Variants in CDH18 observed in about 807,000 individuals in gnomAD.
CDH18 encodes cadherin-18.
In CDH18, 31 loss-of-function variants were observed where a neutral mutation model predicts 67.9. The ratio of observed to expected loss-of-function variants is 0.46; its 90% CI spans 0.34 to 0.62. The LOEUF (loss-of-function observed/expected upper bound fraction) is 0.62, where lower values mean the gene tolerates loss of function less well. Among genes scored for constraint, CDH18 ranks in the 20% least tolerant of loss-of-function variants. CDH18 has a pLI of 0.01. For missense variants in CDH18, 890 were observed against 975.5 expected (o/e 0.91, Z 1.17); for synonymous variants, 362 against 347.2 (o/e 1.04, Z -0.48).
intron 2 of CDH18, among the ~76,000 whole-genome samples, chr5:19,898,545 T>C (rs1336787584): frequency 6.6e-6 from 1 of 151,854 alleles, no homozygotes; most frequent in Non-Finnish European, 1.5e-5. Flanking sequence ...TTAGTTTTTT[T>C]TAAAAAAAGG....
chr5:19,561,792 A>C (rs1435786884), intron 8 of CDH18, among the ~76,000 whole-genome samples: 1 of 152,140 alleles, frequency 6.6e-6, no homozygotes, highest in African/African-American at 2.4e-5. Flanking sequence ...TTCAGCCTTC[A>C]AAGTCTAAAG....
chr5:20,423,115 G>A (rs1160542562), intron 1 of CDH18, among the ~76,000 whole-genome samples: 1 of 151,260 alleles, frequency 6.6e-6, no homozygotes, highest in Non-Finnish European at 1.5e-5. Flanking sequence ...CGGAGAGAAT[G>A]AATGGACGTC....
intron 1 of CDH18, among the ~76,000 whole-genome samples, chr5:19,982,760 C>T (rs1799180826): frequency 6.6e-6 from 1 of 151,856 alleles, no homozygotes; most frequent in African/African-American, 2.4e-5. Flanking sequence ...TATTATAATT[C>T]GAGGCCAGGC....
At chr5:20,573,856 TAAAAG>T (rs1194433088) in intron 1 of CDH18, among the ~76,000 whole-genome samples, 2 of 22,830 alleles carry the variant, frequency 8.8e-5, no homozygotes, top group Non-Finnish European at 1.7e-4. Flanking sequence ...TATTTATATA[TAAAAG>T]AAATATATAT....
At chr5:19,856,553 T>A (rs1784302871) in intron 2 of CDH18, among the ~76,000 whole-genome samples, 1 of 152,164 alleles carries the variant, frequency 6.6e-6, no homozygotes, top group Non-Finnish European at 1.5e-5. Context: ...TGTTGAAGTC[T>A]AAATCTCCAG....
chr5:19,946,891 C>A (rs1483786745), intron 2 of CDH18, among the ~76,000 whole-genome samples: 1 of 152,002 alleles, frequency 6.6e-6, no homozygotes, highest in Non-Finnish European at 1.5e-5. Context: ...TTACATCGGT[C>A]AAGTGGGGTT....
At position 20,424,325 on chromosome 5, in the gene CDH18, T is replaced by C. The variant is rs183683353; in HGVS notation, c.-580+151137A>G. On this transcript the variant is annotated intron_variant, in intron 1 of 14. Coordinates refer to the CDH18 transcript ENST00000507958. ...GGATCTGAAACACACAGGCCGTATG[T>C]TTTTTCCAACAGCACCATCATATTA... 1.5e-4 allele frequency among the ~76,000 whole-genome samples: 22 copies of C among 151,048 alleles called. No individual in the cohort carries two copies. The East Asian group carries it at 4.3e-3, about 29-fold the overall frequency.
At chr5:19,765,382 C>T (rs996461363) in intron 3 of CDH18, among the ~76,000 whole-genome samples, 1 of 118,066 alleles carries the variant, frequency 8.5e-6, no homozygotes, top group Non-Finnish European at 1.9e-5. Context: ...ATCTATAGTC[C>T]TGTTTCTTTT....
At chr5:20,560,062 C>A (rs933326326) in intron 1 of CDH18, among the ~76,000 whole-genome samples, 6 of 152,070 alleles carry the variant, frequency 3.9e-5, no homozygotes, top group African/African-American at 9.7e-5. Flanking sequence ...CTCCAGTGAA[C>A]CAAGCAACAA....
intron 9 of CDH18, among the ~76,000 whole-genome samples, chr5:19,522,094 G>A (rs2126912224): frequency 6.6e-6 from 1 of 152,156 alleles, no homozygotes; most frequent in Non-Finnish European, 1.5e-5. Context: ...AAAGACGGAA[G>A]AGGTACAGAA....
Position 20,022,654 on chromosome 5 carries a change from A to G in CDH18, c.-517-30640T>C, listed in dbSNP as rs559270347. 9.8e-5 allele frequency among the ~76,000 whole-genome samples: 15 copies of G among 152,338 alleles called. No individual in the cohort carries two copies. The East Asian group carries it at 2.9e-3, about 29-fold the overall frequency. ...AGAAATTGTTAACTTGTAAAAATTTAAGCAGATCTTGAAGTAAAGGGTTAA... is the reference window on the plus strand; with the variant it reads ...AGAAATTGTTAACTTGTAAAAATTTGAGCAGATCTTGAAGTAAAGGGTTAA... On this transcript the variant is annotated intron_variant, in intron 2 of 14. Transcript: ENST00000507958.
intron 1 of CDH18, among the ~76,000 whole-genome samples, chr5:20,425,378 T>C: frequency 6.9e-6 from 1 of 144,656 alleles, no homozygotes; most frequent in East Asian, 2.0e-4. Context: ...CTCAAAAAAA[T>C]AAATAAAAAT....
At chr5:19,942,289 A>T (rs527555677) in intron 2 of CDH18, among the ~76,000 whole-genome samples, 8 of 152,166 alleles carry the variant, frequency 5.3e-5, no homozygotes, top group Non-Finnish European at 8.8e-5. Flanking sequence ...ATGGATTATC[A>T]TTCTTTCCTG....
rs142209038 is a variant in CDH18 at position 20,449,279 on chromosome 5, T to C, written c.-580+126183A>G. ...TTTTAAATTGGAAAGAAGTTAGTGA[T>C]ATTAGGGTTAACTTTTTCCTTAGAA... On this transcript the variant is annotated intron_variant, in intron 1 of 14. Transcript: ENST00000507958. 4.1e-4 allele frequency among the ~76,000 whole-genome samples: 63 copies of C among 152,204 alleles called. No individual in the cohort carries two copies. The East Asian group carries it at 0.011, about 27-fold the overall frequency.
At chr5:20,092,428 T>C (rs942177514) in intron 2 of CDH18, among the ~76,000 whole-genome samples, 2 of 152,126 alleles carry the variant, frequency 1.3e-5, no homozygotes, top group African/African-American at 4.8e-5. Flanking sequence ...GCTGAAATTG[T>C]GAAATGACAA....
At chr5:20,295,572 C>T (rs999134886) in intron 1 of CDH18, among the ~76,000 whole-genome samples, 1 of 151,550 alleles carries the variant, frequency 6.6e-6, no homozygotes, top group East Asian at 2.0e-4. Context: ...ACTAAAAATA[C>T]AAAAATTAGT....
chr5:19,755,059 G>A (rs1771346002), intron 3 of CDH18, among the ~76,000 whole-genome samples: 3 of 151,738 alleles, frequency 2.0e-5, no homozygotes, highest in Admixed American at 1.3e-4. Context: ...CAAAAAGACT[G>A]AAAGAGCACA....
chr5:19,635,744 T>C (rs964759455), intron 5 of CDH18, among the ~76,000 whole-genome samples: 1 of 152,122 alleles, frequency 6.6e-6, no homozygotes, highest in Admixed American at 6.5e-5. Flanking sequence ...TATTTTACTT[T>C]CTTTAGTTAC....
At chr5:19,704,494 G>A (rs1297881858) in intron 5 of CDH18, among the ~76,000 whole-genome samples, 1 of 152,134 alleles carries the variant, frequency 6.6e-6, no homozygotes, top group Admixed American at 6.5e-5. Flanking sequence ...GTCAACATAT[G>A]ATACGTGAAG....
Sources: gnomAD v4.1 joint callset for allele counts (sites outside exome capture counted in the v4.1 genomes callset) on GRCh38, gnomAD v4.1.1 for gene constraint, MANE v1.5 for transcripts, NCBI Gene and HGNC (gene_info 2026-07-23, HGNC 2026-07-21) for gene names.